GALNT10: variants seen among roughly 807,000 people sequenced by gnomAD.
GALNT10 encodes polypeptide N-acetylgalactosaminyltransferase 10.
In GALNT10, 41 loss-of-function variants were observed where a neutral mutation model predicts 75.0. That is an observed-to-expected ratio of 0.55 (90% CI 0.43 to 0.71). The LOEUF (loss-of-function observed/expected upper bound fraction) is 0.71, where lower values mean the gene tolerates loss of function less well. Among genes scored for constraint, GALNT10 ranks in the 30% least tolerant of loss-of-function variants. The pLI is 0.00. For synonymous variants in GALNT10, 302 were observed against 313.0 expected (o/e 0.96, Z 0.37); for missense variants, 727 against 818.5 (o/e 0.89, Z 1.36).
chr5:154,335,366 G>C (rs565715776), intron 4 of GALNT10, among the ~76,000 whole-genome samples: 1 of 152,154 alleles, frequency 6.6e-6, no homozygotes, highest in Non-Finnish European at 1.5e-5. Flanking sequence ...CATGAAATAC[G>C]TGCTACCTGG....
At chr5:154,250,991 A>G (rs1359975929) in intron 1 of GALNT10, among the ~76,000 whole-genome samples, 1 of 152,194 alleles carries the variant, frequency 6.6e-6, no homozygotes, top group Admixed American at 6.5e-5. Context: ...AGGGACCGGG[A>G]TAAAAGCAGA....
intron 1 of GALNT10, among the ~76,000 whole-genome samples, chr5:154,217,821 G>A (rs1334998338): frequency 2.0e-5 from 3 of 152,212 alleles, no homozygotes; most frequent in Non-Finnish European, 2.9e-5. Flanking sequence ...AATTAATTGG[G>A]AGACTGTATG....
chr5:154,307,001 C>A (rs1754444347), intron 3 of GALNT10, among the ~76,000 whole-genome samples: 1 of 152,048 alleles, frequency 6.6e-6, no homozygotes, highest in African/African-American at 2.4e-5. Flanking sequence ...AACATCTAAC[C>A]AGCTAGAAAA....
intron 1 of GALNT10, among the ~76,000 whole-genome samples, chr5:154,266,079 C>T (rs1753771115): frequency 6.6e-6 from 1 of 152,064 alleles, no homozygotes; most frequent in African/African-American, 2.4e-5. Context: ...AGAAATTTTT[C>T]TATTGTGGCA....
chr5:154,252,109 A>C (rs1753532440), intron 1 of GALNT10, among the ~76,000 whole-genome samples: 1 of 152,148 alleles, frequency 6.6e-6, no homozygotes. Flanking sequence ...GAATAGCAAT[A>C]CTAATGCTAC....
At chr5:154,217,675 A>C (rs1752895461) in intron 1 of GALNT10, among the ~76,000 whole-genome samples, 1 of 152,166 alleles carries the variant, frequency 6.6e-6, no homozygotes, top group African/African-American at 2.4e-5. Context: ...CACCAAAACA[A>C]GTGTGGTGAG....
At chr5:154,306,761 AT>A (rs371764863) in intron 3 of GALNT10, among the ~76,000 whole-genome samples, 18 of 152,290 alleles carry the variant, frequency 1.2e-4, no homozygotes, top group African/African-American at 4.1e-4. Flanking sequence ...CTTAGGAGAA[AT>A]TTAAAAAGCC....
chr5:154,282,453 G>A (rs1278093909), intron 1 of GALNT10, among the ~76,000 whole-genome samples: 2 of 152,118 alleles, frequency 1.3e-5, no homozygotes, highest in East Asian at 3.8e-4. Flanking sequence ...TCTTTATTCT[G>A]AGCAATCATA....
At chr5:154,276,418 C>T (rs1219120244) in intron 1 of GALNT10, among the ~76,000 whole-genome samples, 1 of 152,174 alleles carries the variant, frequency 6.6e-6, no homozygotes, top group African/African-American at 2.4e-5. Flanking sequence ...TTCAGTACCG[C>T]CAGATGGAGA....
intron 4 of GALNT10, among the ~76,000 whole-genome samples, chr5:154,346,583 A>G (rs992089825): frequency 2.6e-5 from 4 of 152,242 alleles, no homozygotes; most frequent in African/African-American, 9.6e-5. Context: ...TTTTTTGGAC[A>G]TACCTCAATG....
intron 8 of GALNT10, among the ~76,000 whole-genome samples, chr5:154,407,233 G>T (rs889524094): frequency 1.3e-5 from 2 of 152,114 alleles, no homozygotes; most frequent in African/African-American, 4.8e-5. Context: ...ACTGGGACTC[G>T]GAAGTAGGAA....
chr5:154,224,135 C>A (rs1753026307), intron 1 of GALNT10, among the ~76,000 whole-genome samples: 1 of 152,116 alleles, frequency 6.6e-6, no homozygotes, highest in Admixed American at 6.5e-5. Context: ...CAATAGTGAT[C>A]CACTGAAGCA....
intron 4 of GALNT10, among the ~76,000 whole-genome samples, chr5:154,330,347 G>A (rs1274811643): frequency 6.6e-6 from 1 of 152,232 alleles, no homozygotes; most frequent in Non-Finnish European, 1.5e-5. Flanking sequence ...TTTGGTTTGT[G>A]GCCTCTTTGG....
intron 1 of GALNT10, among the ~76,000 whole-genome samples, chr5:154,276,903 T>C (rs925098400): frequency 1.3e-5 from 2 of 152,102 alleles, no homozygotes; most frequent in African/African-American, 4.8e-5. Context: ...TCTTAAAAAA[T>C]GAGGTGGGAG....
chr5:154,351,849 C>T (rs548620090), intron 4 of GALNT10, among the ~76,000 whole-genome samples: 1 of 152,348 alleles, frequency 6.6e-6, no homozygotes, highest in South Asian at 2.1e-4. Flanking sequence ...TATTTCCCTT[C>T]AGTTATGACT....
At chr5:154,375,993 C>T (rs1305254598) in intron 4 of GALNT10, among the ~76,000 whole-genome samples, 1 of 152,170 alleles carries the variant, frequency 6.6e-6, no homozygotes, top group Non-Finnish European at 1.5e-5. Flanking sequence ...GGAATGGTTC[C>T]CAGTCAGGCA....
At chr5:154,199,222 C>T (rs1186293440) in intron 1 of GALNT10, among the ~76,000 whole-genome samples, 1 of 152,072 alleles carries the variant, frequency 6.6e-6, no homozygotes, top group Non-Finnish European at 1.5e-5. Context: ...GGATCCATGC[C>T]CAAAGAGCAT....
chr5:154,342,646 TGGGTCAGCA>T (rs1006680653), intron 4 of GALNT10, among the ~76,000 whole-genome samples: 30 of 152,236 alleles, frequency 2.0e-4, no homozygotes, highest in Non-Finnish European at 4.0e-4. Context: ...ATGTATACCC[TGGGTCAGCA>T]AAAACGCATG....
At chr5:154,403,711 C>T in intron 7 of GALNT10, 1 of 295,144 alleles carries the variant, frequency 3.4e-6, no homozygotes, top group Non-Finnish European at 6.5e-6. Context: ...GATTAGAGCT[C>T]AGATTCTGAA....
Sources: allele counts gnomAD v4.1 joint callset (sites outside exome capture counted in the v4.1 genomes callset), GRCh38; gene constraint gnomAD v4.1.1; transcripts MANE v1.5; gene names NCBI Gene and HGNC (gene_info 2026-07-23, HGNC 2026-07-21).